MMGT1: variants seen among roughly 807,000 people sequenced by gnomAD.
MMGT1 encodes ER membrane protein complex subunit 5.
A neutral mutation model predicts 11.7 loss-of-function variants in MMGT1; 2 were observed. The ratio of observed to expected loss-of-function variants is 0.17; its 90% CI spans 0.07 to 0.54. The LOEUF (loss-of-function observed/expected upper bound fraction) is 0.54. MMGT1 is among the 20% of genes least tolerant of loss of function. The probability of loss-of-function intolerance (pLI) is 0.94; values close to 1 mark genes in which losing one functional copy is unlikely to be tolerated. For synonymous variants in MMGT1, 49 were observed against 44.4 expected, an observed-to-expected ratio of 1.10 and a Z score of -0.41; for missense variants, 74 against 109.0, an observed-to-expected ratio of 0.68 and a Z score of 1.43.
chrX:135,973,983 G>C lies in MMGT1; in HGVS notation c.-308C>G. The C allele has an allele frequency of 1.0e-6, 1 of 962,498 alleles. No individual in the cohort carries two copies. The highest frequency in any genetic ancestry group is 2.1e-5 in the South Asian group (1 of 48,157). 79.3% of individuals were successfully genotyped at this position (962,498 alleles called of 1,213,427 possible). A position where few individuals can be genotyped will look rare whatever the true frequency, so the allele number is the denominator to read the frequency against. On this transcript the variant is annotated 5_prime_UTR_variant, in exon 1 of 4. Coordinates refer to ENST00000305963, the MANE Select transcript of MMGT1 (RefSeq NM_173470.3). ...GCGAAAGCGGGAGCTACGGGGAAGC[G>C]AAGAGGAAGGGCGCCGGCAAATGGG...
Position 135,960,889 on chromosome X carries a change from GCATTAGAACTT to G in MMGT1, c.*4124_*4134del, listed in dbSNP as rs1167628775. On this transcript the variant is annotated 3_prime_UTR_variant, in exon 4 of 4. Coordinates refer to ENST00000305963, the MANE Select transcript of MMGT1 (RefSeq NM_173470.3). Reference sequence around the variant, plus strand: ...AAATGTACCAGACCTTCATTAAAATGCATTAGAACTTCATTAAAACGCAAGATACCATTTAT... The same window carrying G: ...AAATGTACCAGACCTTCATTAAAATGCATTAAAACGCAAGATACCATTTAT... Among the ~76,000 whole-genome samples, 1 of 111,908 alleles carries G rather than the reference GCATTAGAACTT, an allele frequency of 8.9e-6. No homozygotes were observed. Among genetic ancestry groups the G allele is most frequent in the Non-Finnish European group, 1.9e-5 (1 of 53,147 alleles).
chrX:135,965,225 T>C, intron 3 of MMGT1, 42 bp from the exon 4 acceptor site: 1 of 1,063,717 alleles, frequency 9.4e-7, no homozygotes, highest in Non-Finnish European at 1.3e-6. Flanking sequence ...TAAACCTTTA[T>C]AAAACCCTAC....
chrX:135,965,858 A>T (rs146618302), intron 3 of MMGT1, among the ~76,000 whole-genome samples: 429 of 112,525 alleles, frequency 3.8e-3, no homozygotes, highest in African/African-American at 0.013. Context: ...AGCTTTGATT[A>T]TTCTCATTTG....
rs929080950 is a variant in MMGT1, at chrX:135,963,473, C to T, written c.*1551G>A. 2 of 112,141 alleles carry T rather than the reference C, an allele frequency of 1.8e-5. No individual in the cohort carries two copies. The highest frequency in any genetic ancestry group is 3.8e-5 in the Non-Finnish European group (2 of 53,211). 9.2% of individuals were successfully genotyped at this position (112,141 alleles called of 1,213,427 possible). On this transcript the variant is annotated 3_prime_UTR_variant, in exon 4 of 4. Coordinates refer to ENST00000305963, the MANE Select transcript of MMGT1 (RefSeq NM_173470.3). ...TCATCATCACTTTAACCCGATTTCA[C>T]ATTTTTAATTCATTTCTAAATTATT...
At chrX:135,973,459 A>T (rs2089232069) in intron 1 of MMGT1, 138 bp downstream of exon 1, 1 of 519,885 alleles carries the variant, frequency 1.9e-6, no homozygotes, top group Admixed American at 3.9e-5. Flanking sequence ...TCCTGCACTG[A>T]TTTTCTTAGT....
chrX:135,973,590 C>A lies in MMGT1; in HGVS notation c.79+7G>T. On this transcript the variant is annotated splice_region_variant and intron_variant, in intron 1 of 3. Transcript: ENST00000305963. ...ACCGAAGCGGTCCCCGTGCCCCAGG[C>A]ACTTACGCTGCGCAGCGGAAAAGGC... The A allele has an allele frequency of 2.6e-6, 3 of 1,162,845 alleles. No individual in the cohort carries two copies. Among genetic ancestry groups the A allele is most frequent in the Non-Finnish European group, 2.3e-6 (2 of 869,060 alleles).
intron 2 of MMGT1, among the ~76,000 whole-genome samples, chrX:135,969,021 T>C (rs2089202384): frequency 8.9e-6 from 1 of 111,742 alleles, no homozygotes; most frequent in Admixed American, 9.5e-5. Flanking sequence ...TTGAGTAATA[T>C]CAACTGCTTT....
chrX:135,968,499 TTGTGTGTGTGTGTGTGTG>T (rs61012323), intron 2 of MMGT1, among the ~76,000 whole-genome samples: 31 of 85,031 alleles, frequency 3.6e-4, no homozygotes, highest in Non-Finnish European at 5.4e-4. Flanking sequence ...CATTATGTCA[TTGTGTGTGTGTGTGTGTG>T]TGTGTGTGTG....
At chrX:135,965,826 A>T (rs1307543238) in intron 3 of MMGT1, among the ~76,000 whole-genome samples, 4 of 112,231 alleles carry the variant, frequency 3.6e-5, no homozygotes, top group African/African-American at 9.7e-5. Flanking sequence ...TAGTCTTTTT[A>T]AAAAAGCAGC....
chrX:135,966,089 G>C (rs2089183357), intron 3 of MMGT1, among the ~76,000 whole-genome samples: 1 of 112,190 alleles, frequency 8.9e-6, no homozygotes, highest in Non-Finnish European at 1.9e-5. Flanking sequence ...TGACAGTAAA[G>C]TATCCTTTCT....
chrX:135,971,695 C>T (rs1455393141), intron 1 of MMGT1, among the ~76,000 whole-genome samples: 2 of 111,848 alleles, frequency 1.8e-5, no homozygotes, highest in African/African-American at 3.3e-5. Context: ...TGAGAGGATA[C>T]GCTGGGGCAG....
intron 2 of MMGT1, among the ~76,000 whole-genome samples, chrX:135,968,448 G>T (rs1272007505): frequency 9.3e-6 from 1 of 107,364 alleles, no homozygotes; most frequent in Non-Finnish European, 1.9e-5. Context: ...TATTTAAATG[G>T]ACTCAAATGT....
rs2089172877 is a variant in MMGT1 at position 135,964,260 on chromosome X, A to C, written c.*764T>G. On this transcript the variant is annotated 3_prime_UTR_variant, in exon 4 of 4. Coordinates refer to ENST00000305963, the MANE Select transcript of MMGT1 (RefSeq NM_173470.3). ...ATAATGAAATCACAAAAGGTCTTCA[A>C]CTAGTCTTCAACTATTCTTACACTA... is the stretch of plus-strand genomic sequence containing the variant. The C allele has an allele frequency of 8.8e-6, 1 of 113,421 alleles. No homozygotes were observed. Among genetic ancestry groups the C allele is most frequent in the African/African-American group, 3.2e-5 (1 of 31,219 alleles). 9.3% of individuals were successfully genotyped at this position (113,421 alleles called of 1,213,427 possible).
intron 1 of MMGT1, 38 bp from the exon 2 acceptor site, chrX:135,971,148 T>A: frequency 1.0e-6 from 1 of 994,548 alleles, no homozygotes; most frequent in Non-Finnish European, 1.4e-6. Context: ...AAACTGTAGT[T>A]CATTTTTCTT....
chrX:135,971,398 CTCTA>C (rs782668247), intron 1 of MMGT1, among the ~76,000 whole-genome samples: 4 of 112,439 alleles, frequency 3.6e-5, no homozygotes, highest in Non-Finnish European at 7.5e-5. Context: ...AGGTAGTCAG[CTCTA>C]TCTTAGTCAA....
Position 135,960,722 on chromosome X carries a change from G to A in MMGT1, c.*4302C>T, listed in dbSNP as rs1556611292. ...GGAAAATATTATTAAACATGACAAT[G>A]GACCAATTTTCTTAGCTTACAAAAA... On this transcript the variant is annotated 3_prime_UTR_variant, in exon 4 of 4. Transcript: ENST00000305963. Among the ~76,000 whole-genome samples the A allele has an allele frequency of 9.0e-6, 1 of 111,469 alleles. No homozygotes were observed. The highest frequency in any genetic ancestry group is 1.9e-5 in the Non-Finnish European group (1 of 53,006).
rs2148116258 is a variant in MMGT1 at position 135,962,732 on chromosome X, T to C, written c.*2292A>G. The C allele has an allele frequency of 8.9e-6, 1 of 112,379 alleles. No homozygotes were observed. The highest frequency in any genetic ancestry group is 3.2e-5 in the African/African-American group (1 of 30,954). 9.3% of individuals were successfully genotyped at this position (112,379 alleles called of 1,213,427 possible). ...TTGCCAAGTCATTTGGCCTGATTTT[T>C]GGCCTGATTTTTAGCCTGATTTTTA... On this transcript the variant is annotated 3_prime_UTR_variant, in exon 4 of 4. Coordinates refer to ENST00000305963, the MANE Select transcript of MMGT1 (RefSeq NM_173470.3).
chrX:135,968,737 G>A (rs1231635652), intron 2 of MMGT1, among the ~76,000 whole-genome samples: 1 of 110,830 alleles, frequency 9.0e-6, no homozygotes, highest in Non-Finnish European at 1.9e-5. Flanking sequence ...CACCATGTTG[G>A]CCAGGCTGGT....
intron 2 of MMGT1, among the ~76,000 whole-genome samples, chrX:135,969,539 C>T (rs868956003): frequency 2.7e-5 from 3 of 111,045 alleles, no homozygotes; most frequent in South Asian, 3.8e-4. Flanking sequence ...GGGGTTTCAC[C>T]GTGTTAGCCA....
Sources: gnomAD v4.1 joint callset for allele counts (sites outside exome capture counted in the v4.1 genomes callset) on GRCh38, gnomAD v4.1.1 for gene constraint, MANE v1.5 for transcripts, NCBI Gene and HGNC (gene_info 2026-07-23, HGNC 2026-07-21) for gene names.